Variants in ZMYND11 observed in about 807,000 individuals in gnomAD.
ZMYND11 encodes zinc finger MYND domain-containing protein 11.
A neutral mutation model predicts 84.9 loss-of-function variants in ZMYND11; 9 were observed. That is an observed-to-expected ratio of 0.11 (90% CI 0.06 to 0.18). The LOEUF (loss-of-function observed/expected upper bound fraction) is 0.18, where lower values mean the gene tolerates loss of function less well. Among genes scored for constraint, ZMYND11 ranks in the 10% least tolerant of loss-of-function variants. The pLI is 1.00. For synonymous variants in ZMYND11, 250 were observed against 244.1 expected (o/e 1.02, Z -0.23); for missense variants, 409 against 761.0 (o/e 0.54, Z 5.44).
chr10:250,844 G>C (rs953821662), intron 14 of ZMYND11, among the ~76,000 whole-genome samples: 3 of 152,136 alleles, frequency 2.0e-5, no homozygotes, highest in African/African-American at 7.2e-5. Flanking sequence ...GCAACATGGT[G>C]AAACCCCATC....
intron 1 of ZMYND11, among the ~76,000 whole-genome samples, chr10:158,459 C>A: frequency 6.6e-6 from 1 of 150,664 alleles, no homozygotes; most frequent in East Asian, 1.9e-4. Context: ...CGCTGTGTCA[C>A]CCAGGTTGGA....
chr10:170,828 ATATTAATCTAACTG>A (rs1266742416), intron 1 of ZMYND11, among the ~76,000 whole-genome samples: 1 of 152,158 alleles, frequency 6.6e-6, no homozygotes, highest in African/African-American at 2.4e-5. Flanking sequence ...AACATGGTAG[ATATTAATCTAACTG>A]TATTAATAAT....
chr10:167,770 T>C (rs1233950420), intron 1 of ZMYND11, among the ~76,000 whole-genome samples: 1 of 152,152 alleles, frequency 6.6e-6, no homozygotes, highest in African/African-American at 2.4e-5. Flanking sequence ...CATTTATTAT[T>C]ATAGACTAGA....
In ZMYND11 at chr10:252,335, T is replaced by C. The variant is rs1190860565; in HGVS notation, c.1687-13T>C. ...ACCCAAGTCTAAAGACTGCCCCGATTTCTTACCTGCAGTGCTACAACTGTG... is the reference window on the plus strand; with the variant it reads ...ACCCAAGTCTAAAGACTGCCCCGATCTCTTACCTGCAGTGCTACAACTGTG... On this transcript the variant is annotated splice_polypyrimidine_tract_variant and intron_variant, in intron 14 of 14. Coordinates refer to ENST00000381604, the MANE Select transcript of ZMYND11 (RefSeq NM_001370100.5). The surrounding 1 kb of genome is among the most constrained non-coding windows in gnomAD (Gnocchi z 4.6). The C allele has an allele frequency of 6.2e-7, 1 of 1,613,286 alleles. No homozygotes were observed. The highest frequency in any genetic ancestry group is 8.5e-7 in the Non-Finnish European group (1 of 1,179,732).
At chr10:146,891 G>A (rs1355833363) in intron 1 of ZMYND11, among the ~76,000 whole-genome samples, 1 of 152,268 alleles carries the variant, frequency 6.6e-6, no homozygotes, top group African/African-American at 2.4e-5. Flanking sequence ...CTGCCAGCAT[G>A]TAAGACATGC....
intron 14 of ZMYND11, among the ~76,000 whole-genome samples, chr10:249,992 AGAGAACTTTATTTTC>A: frequency 6.6e-6 from 1 of 152,326 alleles, no homozygotes; most frequent in East Asian, 1.9e-4. Flanking sequence ...GGAGGGAAAA[AGAGAACTTTATTTTC>A]TGTTAAAAAA....
chr10:190,304 A>C (rs1246968338), intron 2 of ZMYND11, among the ~76,000 whole-genome samples: 1 of 151,992 alleles, frequency 6.6e-6, no homozygotes, highest in African/African-American at 2.4e-5. Flanking sequence ...AGATTGGTCC[A>C]CTGTTGCAAA....
chr10:143,379 G>T (rs555904390), intron 1 of ZMYND11, among the ~76,000 whole-genome samples: 1 of 152,260 alleles, frequency 6.6e-6, no homozygotes, highest in South Asian at 2.1e-4. Flanking sequence ...TGATTTATCT[G>T]CCTCTTGCTT....
intron 2 of ZMYND11, among the ~76,000 whole-genome samples, chr10:203,827 C>CT (rs1238718170): frequency 6.6e-6 from 1 of 152,118 alleles, no homozygotes; most frequent in Non-Finnish European, 1.5e-5. Context: ...CTCTAGAACT[C>CT]TTTTGTGCAC....
chr10:161,812 A>G (rs981957896), intron 1 of ZMYND11, among the ~76,000 whole-genome samples: 1 of 152,230 alleles, frequency 6.6e-6, no homozygotes, highest in African/African-American at 2.4e-5. Context: ...GCTTAAGGGA[A>G]TATTGTGGCT....
chr10:133,085 CAA>C (rs1554750300), upstream of ZMYND11, among the ~76,000 whole-genome samples: 2 of 152,198 alleles, frequency 1.3e-5, no homozygotes, highest in African/African-American at 4.8e-5. Flanking sequence ...TGAGATAAAT[CAA>C]ACTGTTTTAA....
intron 2 of ZMYND11, among the ~76,000 whole-genome samples, 170 bp from the exon 3 acceptor site, chr10:209,719 T>C (rs1440102761): frequency 7.0e-6 from 1 of 142,668 alleles, no homozygotes; most frequent in Non-Finnish European, 1.5e-5. Context: ...TTGAAGACTT[T>C]TCCTTTCTTT....
At chr10:190,461 C>T (rs1386720480) in intron 2 of ZMYND11, among the ~76,000 whole-genome samples, 1 of 152,194 alleles carries the variant, frequency 6.6e-6, no homozygotes, top group Non-Finnish European at 1.5e-5. Context: ...GTTTCCCATG[C>T]TCTGCCTTGG....
At chr10:232,024 T>A (rs1032581616) in intron 4 of ZMYND11, among the ~76,000 whole-genome samples, 4 of 152,200 alleles carry the variant, frequency 2.6e-5, no homozygotes, top group Non-Finnish European at 4.4e-5. Context: ...TCCTCAGGCC[T>A]GCAAATAGAG....
intron 1 of ZMYND11, among the ~76,000 whole-genome samples, chr10:150,409 T>C (rs533521838): frequency 2.0e-5 from 3 of 152,230 alleles, no homozygotes; most frequent in Non-Finnish European, 4.4e-5. Flanking sequence ...TAGAAGTGTT[T>C]ATAGTATTCT....
At chr10:156,257 T>C (rs567866138) in intron 1 of ZMYND11, among the ~76,000 whole-genome samples, 2 of 152,228 alleles carry the variant, frequency 1.3e-5, no homozygotes, top group Admixed American at 1.3e-4. Flanking sequence ...GCAGCCCCTG[T>C]GCAACTGAGT....
At chr10:162,655 TGTATTTCCTA>T (rs1481850787) in intron 1 of ZMYND11, among the ~76,000 whole-genome samples, 1 of 152,180 alleles carries the variant, frequency 6.6e-6, no homozygotes, top group Non-Finnish European at 1.5e-5. Flanking sequence ...ATTATATTAA[TGTATTTCCTA>T]GTATTGAACC....
intron 6 of ZMYND11, among the ~76,000 whole-genome samples, 169 bp from the exon 7 acceptor site, chr10:239,269 C>T (rs1278896458): frequency 1.3e-5 from 2 of 152,294 alleles, no homozygotes; most frequent in East Asian, 1.9e-4. Flanking sequence ...TTATTAAAAC[C>T]GCAGGTGGCG....
chr10:171,301 A>G (rs58831623), intron 1 of ZMYND11, among the ~76,000 whole-genome samples: 34,989 of 152,084 alleles, frequency 0.23, 4,302 homozygotes, highest in South Asian at 0.33. Context: ...GTTGAACTCA[A>G]AAACATCAAT....
Sources: allele counts gnomAD v4.1 joint callset (sites outside exome capture counted in the v4.1 genomes callset), GRCh38; gene constraint gnomAD v4.1.1; non-coding constraint Gnocchi (gnomAD v3.1); transcripts MANE v1.5; gene names NCBI Gene and HGNC (gene_info 2026-07-23, HGNC 2026-07-21).